The following DCHS2 variants were observed in gnomAD, a reference collection of about 807,000 sequenced individuals.
The protein encoded by DCHS2 is protocadherin-23.
A neutral mutation model predicts 182.4 loss-of-function variants in DCHS2; 142 were observed. That is an observed-to-expected ratio of 0.78 (90% confidence interval 0.68 to 0.89). DCHS2 has a LOEUF of 0.89. DCHS2 is among the 40% of genes least tolerant of loss of function. DCHS2 has a pLI of 0.00. For synonymous variants in DCHS2, 1,740 were observed against 1,663.3 expected, an observed-to-expected ratio of 1.05 and a Z score of -1.12; for missense variants, 4,319 against 4,198.6, an observed-to-expected ratio of 1.03 and a Z score of -0.79.
At chr4:154,270,705 A>G (rs1482153414) in intron 13 of DCHS2, among the ~76,000 whole-genome samples, 3 of 151,600 alleles carry the variant, frequency 2.0e-5, no homozygotes, top group Non-Finnish European at 4.4e-5. Flanking sequence ...ATACTGCAAT[A>G]GTCCAAGCAG....
Position 154,366,203 on chromosome 4 carries a change from C to T in DCHS2, c.2476+7G>A, listed in dbSNP as rs1409296924. The T allele has an allele frequency of 6.2e-7, 1 of 1,605,586 alleles. No individual in the cohort carries two copies. The highest frequency in any genetic ancestry group is 8.5e-7 in the Non-Finnish European group (1 of 1,172,744). On this transcript the variant is annotated splice_region_variant and intron_variant, in intron 3 of 19. Coordinates refer to ENST00000357232, the MANE Select transcript of DCHS2 (RefSeq NM_001358235.2). ...CAAAGGATGAAAACTGTTCCAAGAT[C>T]ACATACCTGTGGTGGAGTCAATGGT...
chr4:154,475,649 T>C (rs763208502), intron 1 of DCHS2, among the ~76,000 whole-genome samples: 32 of 152,212 alleles, frequency 2.1e-4, no homozygotes, highest in Admixed American at 3.3e-4. Context: ...TTTACCTTTA[T>C]GTAGTAAATA....
At chr4:154,355,384 T>G (rs1729813414) in intron 3 of DCHS2, among the ~76,000 whole-genome samples, 1 of 152,216 alleles carries the variant, frequency 6.6e-6, no homozygotes, top group South Asian at 2.1e-4. Flanking sequence ...AGTTACTCTA[T>G]ATAGTCTAAA....
intron 3 of DCHS2, among the ~76,000 whole-genome samples, chr4:154,355,364 C>A (rs1289450432): frequency 6.6e-6 from 1 of 152,086 alleles, no homozygotes; most frequent in Admixed American, 6.5e-5. Context: ...ATGCCATGGC[C>A]ACATCAGGAA....
intron 1 of DCHS2, among the ~76,000 whole-genome samples, chr4:154,420,701 A>G (rs1733076311): frequency 1.3e-5 from 2 of 152,210 alleles, no homozygotes; most frequent in African/African-American, 4.8e-5. Flanking sequence ...GGATGAGGGC[A>G]GATCTTCCTT....
At chr4:154,259,500 CCACACACA>C (rs147630053) in intron 15 of DCHS2, 37 bp downstream of exon 15, 52 of 1,410,936 alleles carry the variant, frequency 3.7e-5, no homozygotes, top group East Asian at 1.2e-4. Context: ...ACAGACACAC[CCACACACA>C]CACACACACA....
rs1329530259 is a variant in DCHS2 at position 154,320,488 on chromosome 4, C to T, written c.4911G>A (p.Leu1637=). The T allele has an allele frequency of 1.3e-5, 21 of 1,613,918 alleles. No homozygotes were observed. The highest frequency in any genetic ancestry group is 1.7e-5 in the Non-Finnish European group (20 of 1,179,996). Residue 1637 remains leucine, a synonymous_variant, in exon 9 of 20, where the codon TTG becomes TTA. Coordinates refer to ENST00000357232, the MANE Select transcript of DCHS2 (RefSeq NM_001358235.2). ...HVKEDVTVGS[L]VHHITAHDPD... ...GATCGTGAGCAGTTATGTGGTGGAC[C>T]AAGGAGCCCACTGTGACATCCTCTT... is the stretch of plus-strand genomic sequence containing the variant.
chr4:154,372,572 G>T (rs958934841), intron 2 of DCHS2, among the ~76,000 whole-genome samples: 2 of 152,092 alleles, frequency 1.3e-5, no homozygotes, highest in African/African-American at 4.8e-5. Flanking sequence ...AAAAAATAGA[G>T]ATAGAGTGTT....
At chr4:154,259,226 C>T (rs549353400) in intron 15 of DCHS2, among the ~76,000 whole-genome samples, 1 of 152,194 alleles carries the variant, frequency 6.6e-6, no homozygotes, top group East Asian at 1.9e-4. Flanking sequence ...CTCCTCTTTT[C>T]ACTCATTACA....
intron 3 of DCHS2, chr4:154,355,514 C>T (rs1327817383): frequency 6.6e-6 from 1 of 152,176 alleles, no homozygotes; most frequent in African/African-American, 2.4e-5. Context: ...AACCAGCCAC[C>T]CTCAGGGCTG....
chr4:154,415,114 A>G (rs1483572251), intron 1 of DCHS2, among the ~76,000 whole-genome samples: 2 of 152,228 alleles, frequency 1.3e-5, no homozygotes, highest in Non-Finnish European at 2.9e-5. Context: ...TAGTTATACT[A>G]CTGAAGACCG....
Position 154,463,961 on chromosome 4 carries a change from A to G in DCHS2, c.2052+25343T>C, listed in dbSNP as rs1735130009. Among the ~76,000 whole-genome samples, 7 of 152,318 alleles carry G rather than the reference A, an allele frequency of 4.6e-5. No homozygotes were observed. The South Asian group carries it at 1.5e-3, about 32-fold the overall frequency. ...CAGAGAATAGCAAATATTCAAAGAGATAGAATATGATATTTAGTTCCCTAT... is the reference window on the plus strand; with the variant it reads ...CAGAGAATAGCAAATATTCAAAGAGGTAGAATATGATATTTAGTTCCCTAT... On this transcript the variant is annotated intron_variant, in intron 1 of 19. Transcript: ENST00000357232.
chr4:154,384,566 T>C, intron 1 of DCHS2: 3 of 1,492,686 alleles, frequency 2.0e-6, no homozygotes, highest in Non-Finnish European at 2.7e-6. Flanking sequence ...AAGTAGTGAG[T>C]ACTACCTTAT....
At chr4:154,487,715 G>A (rs1728638637) in intron 1 of DCHS2, among the ~76,000 whole-genome samples, 1 of 152,180 alleles carries the variant, frequency 6.6e-6, no homozygotes, top group Non-Finnish European at 1.5e-5. Flanking sequence ...CTCCCTAACT[G>A]AGAACCAGAA....
At chr4:154,339,650 T>C (rs922202175) in intron 3 of DCHS2, among the ~76,000 whole-genome samples, 1 of 152,268 alleles carries the variant, frequency 6.6e-6, no homozygotes, top group Non-Finnish European at 1.5e-5. Flanking sequence ...GGTTTCACCA[T>C]ATTGGCCAGG....
At chr4:154,329,870 A>G (rs1736453058) in intron 5 of DCHS2, among the ~76,000 whole-genome samples, 160 bp from the exon 6 acceptor site, 1 of 152,056 alleles carries the variant, frequency 6.6e-6, no homozygotes, top group South Asian at 2.1e-4. Flanking sequence ...TGTTGAAAAA[A>G]TTTTCTCAAG....
Position 154,315,869 on chromosome 4 carries a change from A to T in DCHS2, c.5139T>A (p.Thr1713=). ...GAGCTTCATCATTTACATCAAGAACAGTAACTGTCAAAGTCTGGGATGAAG... is the reference window on the plus strand; with the variant it reads ...GAGCTTCATCATTTACATCAAGAACTGTAACTGTCAAAGTCTGGGATGAAG... The part of the protein sequence containing the change: ...ALSSSQTLTV[T]VLDVNDEAPV... Residue 1713 remains threonine (T), a synonymous_variant, in exon 10 of 20, where the codon ACT becomes ACA. Transcript: ENST00000357232. The T allele has an allele frequency of 6.2e-7, 1 of 1,614,052 alleles. No individual in the cohort carries two copies. Among genetic ancestry groups the T allele is most frequent in the Non-Finnish European group, 8.5e-7 (1 of 1,179,986 alleles).
intron 9 of DCHS2, among the ~76,000 whole-genome samples, chr4:154,317,434 C>T (rs1403641301): frequency 2.0e-5 from 3 of 152,206 alleles, no homozygotes; most frequent in South Asian, 2.1e-4. Flanking sequence ...CCATGCATGC[C>T]TCAGAATGAA....
chr4:154,290,837 A>G (rs2111259829), intron 13 of DCHS2, among the ~76,000 whole-genome samples: 1 of 152,282 alleles, frequency 6.6e-6, no homozygotes, highest in East Asian at 1.9e-4. Flanking sequence ...TAAAACTGCT[A>G]AAAGAAAACA....
Sources: allele counts gnomAD v4.1 joint callset (sites outside exome capture counted in the v4.1 genomes callset), GRCh38; gene constraint gnomAD v4.1.1; transcripts MANE v1.5; gene names NCBI Gene and HGNC (gene_info 2026-07-23, HGNC 2026-07-21).